Variants in USP20 observed in about 807,000 individuals in gnomAD.
USP20 encodes the protein ubiquitin specific peptidase 20.
A neutral mutation model predicts 124.2 loss-of-function variants in USP20; 80 were observed. The ratio of observed to expected loss-of-function variants is 0.64; its 90% CI spans 0.54 to 0.78. USP20 has a LOEUF of 0.78. Among genes scored for constraint, USP20 ranks in the 30% least tolerant of loss-of-function variants. The pLI is 0.00. For synonymous variants in USP20, 481 were observed against 512.3 expected, an observed-to-expected ratio of 0.94 and a Z score of 0.83; for missense variants, 1,043 against 1,244.4, an observed-to-expected ratio of 0.84 and a Z score of 2.44.
At chr9:129,869,879 C>T in intron 14 of USP20, 35 bp downstream of exon 14, 3 of 1,494,138 alleles carry the variant, frequency 2.0e-6, no homozygotes, top group Non-Finnish European at 1.8e-6. Flanking sequence ...GCGACATGGG[C>T]TGGGCCTGTC....
chr9:129,841,732 C>T (rs533722673), intron 1 of USP20, among the ~76,000 whole-genome samples: 1 of 152,188 alleles, frequency 6.6e-6, no homozygotes, highest in Non-Finnish European at 1.5e-5. Flanking sequence ...AGGGTTTGCT[C>T]TAGTCCATGA....
At position 129,842,618 on chromosome 9, in the gene USP20, G is replaced by A. The variant is rs1415538154; in HGVS notation, c.-129+7119G>A. 4.0e-5 allele frequency among the ~76,000 whole-genome samples: 6 copies of A among 150,664 alleles called. No homozygotes were observed. In the Middle Eastern group the frequency reaches 0.01, roughly 258 times the overall value. ...AAGTTTTTTTTTTTTTTTTTAGACG[G>A]AGTCTTACTCTGTTGCCCAGGCTGG... On this transcript the variant is annotated intron_variant, in intron 1 of 25. Transcript: ENST00000372429.
intron 22 of USP20, among the ~76,000 whole-genome samples, chr9:129,878,029 G>T (rs3780705): frequency 0.1 from 15,353 of 152,204 alleles, 1,052 homozygotes; most frequent in Non-Finnish European, 0.13. Flanking sequence ...CCGAGATCGC[G>T]CCACTGCACT....
intron 19 of USP20, 124 bp from the exon 20 acceptor site, chr9:129,875,186 C>T (rs981248986): frequency 1.2e-5 from 15 of 1,257,624 alleles, no homozygotes; most frequent in African/African-American, 4.5e-5. Flanking sequence ...GTCCAGGACC[C>T]GTGAAGGACC....
intron 15 of USP20, among the ~76,000 whole-genome samples, chr9:129,870,974 T>C (rs1171637453): frequency 6.6e-6 from 1 of 152,232 alleles, no homozygotes; most frequent in East Asian, 1.9e-4. Context: ...TCTCTTTTTT[T>C]TTTATTTCCA....
At chr9:129,860,895 C>T in intron 6 of USP20, 42 bp from the exon 7 acceptor site, 1 of 1,599,070 alleles carries the variant, frequency 6.3e-7, no homozygotes, top group African/African-American at 1.3e-5. Flanking sequence ...TGACCCCAGC[C>T]CCTCTGTTCA....
intron 8 of USP20, among the ~76,000 whole-genome samples, chr9:129,861,840 T>G (rs1454412714): frequency 1.3e-5 from 2 of 152,184 alleles, no homozygotes; most frequent in African/African-American, 4.8e-5. Context: ...GGCTCAGTGC[T>G]CTGTTGTTTA....
chr9:129,858,468 C>T lies in USP20; in HGVS notation c.200C>T (p.Ala67Val). The T allele has an allele frequency of 1.2e-6, 2 of 1,614,024 alleles. No individual in the cohort carries two copies. The highest frequency in any genetic ancestry group is 1.1e-5 in the South Asian group (1 of 91,078). The change falls in exon 6 of 26, where the codon GCA (alanine) becomes GTA (valine). Residue 67 changes from alanine to valine, a missense_variant and splice_region_variant. Transcript: ENST00000372429. ...FADHSTIHAQAKKHNLTVNLT... is the reference protein window; with the variant it reads ...FADHSTIHAQVKKHNLTVNLT... ...CTTGTTTTGGATATCACCCTCTAGG[C>T]AAAAAAGCACAACTTGACCGTGAAC...
At chr9:129,858,357 G>A (rs1160332413) in intron 5 of USP20, 110 bp from the exon 6 acceptor site, 4 of 1,525,086 alleles carry the variant, frequency 2.6e-6, no homozygotes, top group Non-Finnish European at 3.6e-6. Context: ...TCCGGCCTCT[G>A]TCCTGACAGG....
At chr9:129,837,305 G>T (rs1023328199) in intron 1 of USP20, among the ~76,000 whole-genome samples, 1 of 152,068 alleles carries the variant, frequency 6.6e-6, no homozygotes, top group African/African-American at 2.4e-5. Context: ...TCTTAGTCTT[G>T]TTTGGGAGTT....
At chr9:129,874,372 T>A (rs1157653085) in intron 17 of USP20, among the ~76,000 whole-genome samples, 3 of 152,162 alleles carry the variant, frequency 2.0e-5, no homozygotes, top group Non-Finnish European at 2.9e-5. Context: ...ATTGCAGCTC[T>A]TGGGGTCCAG....
At chr9:129,857,725 T>C (rs2033287028) in intron 4 of USP20, among the ~76,000 whole-genome samples, 1 of 152,154 alleles carries the variant, frequency 6.6e-6, no homozygotes, top group African/African-American at 2.4e-5. Context: ...CATGGGGTTT[T>C]TGTGGAGGGA....
intron 11 of USP20, 71 bp downstream of exon 11, chr9:129,868,520 G>T: frequency 6.6e-7 from 1 of 1,515,078 alleles, no homozygotes; most frequent in South Asian, 1.3e-5. Flanking sequence ...GCTGAGCGCC[G>T]ACCTGCAGTA....
chr9:129,868,471 C>T (rs917994720), intron 11 of USP20, 22 bp downstream of exon 11: 64 of 1,600,100 alleles, frequency 4.0e-5, no homozygotes, highest in African/African-American at 5.4e-5. Flanking sequence ...CCGGGGACTG[C>T]GGGAGGAACC....
chr9:129,847,299 CTT>C (rs35098457), intron 1 of USP20, among the ~76,000 whole-genome samples: 2,945 of 130,760 alleles, frequency 0.023, 46 homozygotes, highest in South Asian at 0.067. Flanking sequence ...ACAGCCAACA[CTT>C]TTTTTTTTTT....
chr9:129,868,043 G>A lies in USP20; in HGVS notation c.729G>A (p.Leu243=). ...QEFLRCLMDQ[L]HEELKEPVVA... is the part of the protein sequence containing the mutation. ...TCCTTCGCTGCCTGATGGACCAGCT[G>A]CACGAGGAGCTCAAGGAGCCGGTGG... The change falls in exon 11 of 26, where the codon CTG becomes CTA. Residue 243 remains leucine, a synonymous_variant. Coordinates refer to ENST00000372429, the MANE Select transcript of USP20 (RefSeq NM_001110303.4). 6.2e-7 allele frequency: 1 copy of A among 1,614,116 alleles called. No homozygotes were observed. The highest frequency in any genetic ancestry group is 1.1e-5 in the South Asian group (1 of 91,088).
intron 13 of USP20, 114 bp downstream of exon 13, chr9:129,869,539 G>C: frequency 6.5e-7 from 1 of 1,527,718 alleles, no homozygotes; most frequent in Non-Finnish European, 9.0e-7. Flanking sequence ...TTTTATCCAG[G>C]GGAGGGCCCT....
Position 129,879,526 on chromosome 9 carries a change from G to A in USP20, c.2513-47G>A. ...GGATGGCTCTGCTGCTGTGGAGGGT[G>A]GAGGGCATGGCAGGGGCTGAACCCG... On this transcript the variant is annotated intron_variant, in intron 23 of 25. Transcript: ENST00000372429. The surrounding 1 kb of genome is among the most constrained non-coding windows in gnomAD (Gnocchi z 4.2). 1 of 1,602,350 alleles carries A rather than the reference G, an allele frequency of 6.2e-7. No individual in the cohort carries two copies. Among genetic ancestry groups the A allele is most frequent in the South Asian group, 1.1e-5 (1 of 90,750 alleles).
At chr9:129,855,890 G>A (rs938134158) in intron 3 of USP20, among the ~76,000 whole-genome samples, 1 of 152,138 alleles carries the variant, frequency 6.6e-6, no homozygotes, top group Non-Finnish European at 1.5e-5. Flanking sequence ...ACTCACAGGG[G>A]TAGGCAGAAC....
Sources: allele counts gnomAD v4.1 joint callset (sites outside exome capture counted in the v4.1 genomes callset), GRCh38; gene constraint gnomAD v4.1.1; non-coding constraint Gnocchi (gnomAD v3.1); transcripts MANE v1.5; gene names NCBI Gene and HGNC (gene_info 2026-07-23, HGNC 2026-07-21).